Variants in NPC1L1 observed in about 807,000 individuals in gnomAD.
NPC1L1 encodes NPC1 like intracellular cholesterol transporter 1.
Under a neutral mutation model 117.0 loss-of-function variants are expected in NPC1L1, and 98 were observed. That is an observed-to-expected ratio of 0.84 (90% CI 0.71 to 0.99). The LOEUF is 0.99. NPC1L1 is among the 50% of genes least tolerant of loss of function. The pLI, the probability that NPC1L1 is intolerant of heterozygous loss-of-function variation, is 0.00. For synonymous variants in NPC1L1, 729 were observed against 727.6 expected (o/e 1.00, Z -0.03); for missense variants, 1,540 against 1,710.0 (o/e 0.90, Z 1.75).
intron 10 of NPC1L1, among the ~76,000 whole-genome samples, chr7:44,531,361 C>A (rs1203767400): frequency 6.6e-6 from 1 of 152,194 alleles, no homozygotes; most frequent in African/African-American, 2.4e-5. Context: ...TCCTATGTGA[C>A]CTTGGAGGTC....
At chr7:44,525,454 C>T (rs1801483028) in intron 10 of NPC1L1, among the ~76,000 whole-genome samples, 1 of 152,174 alleles carries the variant, frequency 6.6e-6, no homozygotes, top group Non-Finnish European at 1.5e-5. Flanking sequence ...GATGGGGTTT[C>T]ACCATGTTGG....
Position 44,532,184 on chromosome 7 carries a change from G to A in NPC1L1, c.2443C>T (p.Pro815Ser), listed in dbSNP as rs895704037. The A allele has an allele frequency of 6.2e-6, 10 of 1,613,822 alleles. No individual in the cohort carries two copies. The highest frequency in any genetic ancestry group is 1.3e-5 in the African/African-American group (1 of 74,916). ...TGGCCAGGCGGGGGCAGCTCCTGGG[G>A]CTTGACACAGCAGCAGACGTCCAAC... Reference protein sequence around the residue: ...SRLDVCCCVKPQELPPPGQGE... With the variant: ...SRLDVCCCVKSQELPPPGQGE... The change falls in exon 9 of 19, where the codon CCC (proline) becomes TCC (serine). Residue 815 changes from proline to serine, a missense_variant. By Grantham distance (74) the Pro-to-Ser change is moderately conservative. Transcript: ENST00000381160.
rs1233756698 is a variant in NPC1L1, at chr7:44,538,880, T to C, written c.1517A>G (p.Asn506Ser). ...GGAGGTCTGCCCCATCAGTGTCTGG[T>C]TGGCTGTGAGCAGCAGGAGCGTGCG... ...NNRTLLLLTA[N>S]QTLMGQTSQV... The change falls in exon 2 of 19, where the codon AAC becomes AGC. Residue 506 changes from asparagine (N) to serine (S), a missense_variant. Physicochemically the swap from Asn to Ser is conservative, Grantham distance 46. Around this residue, in one of 3 missense-constraint regions of NPC1L1, gnomAD observed 793 missense variants for 820.4 expected, o/e 0.97. Transcript: ENST00000381160. The surrounding 1 kb of genome is among the most constrained non-coding windows in gnomAD (Gnocchi z 5.9). 6.2e-7 allele frequency: 1 copy of C among 1,614,188 alleles called. No individual in the cohort carries two copies. Among genetic ancestry groups the C allele is most frequent in the Admixed American group, 1.7e-5 (1 of 60,036 alleles).
Position 44,534,425 on chromosome 7 carries a change from T to C in NPC1L1, c.2166+22A>G. On this transcript the variant is annotated intron_variant, in intron 6 of 18. Coordinates refer to ENST00000381160, the MANE Select transcript of NPC1L1 (RefSeq NM_001101648.2). The surrounding 1 kb of genome is among the most constrained non-coding windows in gnomAD (Gnocchi z 5.2). ...GGAGAAGAGTGGGCAGTTGGGGGTGTGGAGAGCTCCTCCCTTCTTACCTGG... is the reference window on the plus strand; with the variant it reads ...GGAGAAGAGTGGGCAGTTGGGGGTGCGGAGAGCTCCTCCCTTCTTACCTGG... The C allele has an allele frequency of 1.2e-6, 2 of 1,613,428 alleles. No homozygotes were observed. The highest frequency in any genetic ancestry group is 1.7e-6 in the Non-Finnish European group (2 of 1,179,466).
intron 14 of NPC1L1, chr7:44,518,682 A>G (rs1168888527): frequency 1.6e-6 from 2 of 1,261,868 alleles, no homozygotes; most frequent in Admixed American, 2.4e-5. Context: ...AAAAAAAAAA[A>G]AAGTTATTTC....
chr7:44,527,990 A>G (rs961727504), intron 10 of NPC1L1, among the ~76,000 whole-genome samples: 1 of 152,010 alleles, frequency 6.6e-6, no homozygotes, highest in Non-Finnish European at 1.5e-5. Flanking sequence ...ATGCCTGGCT[A>G]ATTTTTGTAT....
Position 44,540,269 on chromosome 7 carries a change from G to A in NPC1L1, c.128C>T (p.Pro43Leu). 6.2e-7 allele frequency: 1 copy of A among 1,614,086 alleles called. No individual in the cohort carries two copies. Among genetic ancestry groups the A allele is most frequent in the Non-Finnish European group, 8.5e-7 (1 of 1,180,036 alleles). ...TGTCATGAGGCTTCCAGACAGCTCT[G>A]GGTTCTTCCCACATTCGTCATAGAA... Reference protein sequence around the residue: ...CAFYDECGKNPELSGSLMTLS... With the variant: ...CAFYDECGKNLELSGSLMTLS... Residue 43 changes from proline to leucine, a missense_variant, in exon 2 of 19, where the codon CCA becomes CTA. Coordinates refer to ENST00000381160, the MANE Select transcript of NPC1L1 (RefSeq NM_001101648.2).
In NPC1L1 at chr7:44,538,257, A is replaced by T. The variant is rs570780079; in HGVS notation, c.1580+560T>A. Among the ~76,000 whole-genome samples, 1 of 152,350 alleles carries T rather than the reference A, an allele frequency of 6.6e-6. No individual in the cohort carries two copies. The highest frequency in any genetic ancestry group is 1.9e-4 in the East Asian group (1 of 5,178). On this transcript the variant is annotated intron_variant, in intron 2 of 18. Transcript: ENST00000381160. This position sits in a 1 kb window ranked among gnomAD's most constrained non-coding sequence, Gnocchi z 5.9. The stretch of plus-strand genomic sequence containing the variant: ...GCGTTGTTGGCATCTTGTTGGCAGC[A>T]CACCAGAGTGGACAGAACCAAAGAC...
At chr7:44,516,628 C>G (rs1240935607) in intron 16 of NPC1L1, 75 bp downstream of exon 16, 9 of 1,186,412 alleles carry the variant, frequency 7.6e-6, no homozygotes, top group African/African-American at 4.6e-5. Context: ...CAAAAAAGAA[C>G]TAGGAGTATT....
intron 10 of NPC1L1, among the ~76,000 whole-genome samples, chr7:44,528,428 A>G (rs1801592189): frequency 6.6e-6 from 1 of 152,210 alleles, no homozygotes. Context: ...TGTGACATCA[A>G]TAACTGAAAG....
chr7:44,526,392 T>C (rs1400449878), intron 10 of NPC1L1, among the ~76,000 whole-genome samples: 1 of 150,954 alleles, frequency 6.6e-6, no homozygotes, highest in African/African-American at 2.4e-5. Context: ...CTGCTAAAAA[T>C]ACAAAAATTA....
intron 10 of NPC1L1, among the ~76,000 whole-genome samples, chr7:44,523,592 A>G (rs958064005): frequency 4.6e-5 from 7 of 152,268 alleles, no homozygotes; most frequent in East Asian, 3.9e-4. Context: ...TCAGCTGGGC[A>G]TGATGGCTTA....
chr7:44,533,793 C>T lies in NPC1L1; in HGVS notation c.2227G>A (p.Val743Met), dbSNP rs770539041. 1 of 1,614,056 alleles carries T rather than the reference C, an allele frequency of 6.2e-7. No homozygotes were observed. Among genetic ancestry groups the T allele is most frequent in the Admixed American group, 1.7e-5 (1 of 60,014 alleles). ...CTGCACAACAGCATGCTGGGAGCCA[C>T]CCTGCCTAGGGCTCGCCCAATGTGG... ...EVHIGRALGR[V>M]APSMLLCSLS... Residue 743 changes from valine (V) to methionine (M), a missense_variant, in exon 7 of 19, where the codon GTG becomes ATG. Around this residue, in one of 3 missense-constraint regions of NPC1L1, gnomAD observed 742 missense variants for 873.6 expected, o/e 0.85. Transcript: ENST00000381160.
At position 44,538,967 on chromosome 7, in the gene NPC1L1, G is replaced by A. The variant is rs778900013; in HGVS notation, c.1430C>T (p.Pro477Leu). ...GCAGTCGTAGAGACTGGTATTGTCC[G>A]GATTGAGGGGGGCGTAGCAGATGTC... is the stretch of plus-strand genomic sequence containing the variant. ...LQDICYAPLN[P>L]DNTSLYDCCI... The change falls in exon 2 of 19, where the codon CCG (proline) becomes CTG (leucine). Residue 477 changes from proline (P) to leucine (L), a missense_variant. Transcript: ENST00000381160. The surrounding 1 kb of genome is among the most constrained non-coding windows in gnomAD (Gnocchi z 5.9). 6.8e-6 allele frequency: 11 copies of A among 1,614,110 alleles called. No homozygotes were observed. The highest frequency in any genetic ancestry group is 4.0e-5 in the African/African-American group (3 of 74,940).
intron 1 of NPC1L1, 115 bp from the exon 2 acceptor site, chr7:44,540,457 C>T (rs183224078): frequency 4.5e-5 from 42 of 941,864 alleles, no homozygotes; most frequent in African/African-American, 1.1e-4. Flanking sequence ...GGCAGGGAAG[C>T]GGGGAGTGTG....
chr7:44,539,113 C>T lies in NPC1L1; in HGVS notation c.1284G>A (p.Gly428=). The T allele has an allele frequency of 6.2e-7, 1 of 1,614,122 alleles. No individual in the cohort carries two copies. Among genetic ancestry groups the T allele is most frequent in the Non-Finnish European group, 8.5e-7 (1 of 1,180,024 alleles). The change falls in exon 2 of 19, where the codon GGG becomes GGA. Residue 428 remains glycine, a synonymous_variant. Transcript: ENST00000381160. This position sits in a 1 kb window ranked among gnomAD's most constrained non-coding sequence, Gnocchi z 4.4. Reference sequence around the variant, plus strand: ...CCAGGATTCCGCTGAAGTTCTTGGGCCCCAGCAGCAGAGAGTCATACCTGT... The same window carrying T: ...CCAGGATTCCGCTGAAGTTCTTGGGTCCCAGCAGCAGAGAGTCATACCTGT... ...SSYRYDSLLL[G]PKNFSGILDL...
rs750401591 is a variant in NPC1L1, at chr7:44,536,574, C to T, written c.1682-146G>A. 1.0e-6 allele frequency: 1 copy of T among 973,356 alleles called. No homozygotes were observed. The highest frequency in any genetic ancestry group is 1.6e-6 in the Non-Finnish European group (1 of 631,758). 60.3% of individuals were successfully genotyped at this position (973,356 alleles called of 1,614,324 possible). ...TCCCCCACTCCTTCCTCATCTGATA[C>T]ATGGCCTTACCTCCTACACCCCACT... On this transcript the variant is annotated intron_variant, in intron 3 of 18. Transcript: ENST00000381160. This position sits in a 1 kb window ranked among gnomAD's most constrained non-coding sequence, Gnocchi z 4.7.
chr7:44,520,644 C>A (rs940370174), intron 14 of NPC1L1, 121 bp downstream of exon 14: 3 of 865,122 alleles, frequency 3.5e-6, no homozygotes, highest in African/African-American at 3.3e-5. Context: ...ACAGGGCCAG[C>A]GCAGTGAGAA....
In NPC1L1 at chr7:44,521,056, C is replaced by T. The variant is rs1801338437; in HGVS notation, c.3016G>A (p.Glu1006Lys). 1.2e-6 allele frequency: 2 copies of T among 1,614,202 alleles called. No individual in the cohort carries two copies. The highest frequency in any genetic ancestry group is 1.7e-6 in the Non-Finnish European group (2 of 1,180,030). ...CAGGGAAGATACTTATGGAACTGCT[C>T]CACCGAGGGCCTCACAGAGCCCATC... is the stretch of plus-strand genomic sequence containing the variant. Reference protein sequence around the residue: ...ITMGSVRPSVEQFHKYLPWFL... With the variant: ...ITMGSVRPSVKQFHKYLPWFL... The change falls in exon 13 of 19, where the codon GAG becomes AAG. Residue 1006 changes from glutamate to lysine, a missense_variant. By Grantham distance (56) the Glu-to-Lys change is moderately conservative. Around this residue, in one of 3 missense-constraint regions of NPC1L1, gnomAD observed 742 missense variants for 873.6 expected, o/e 0.85. Transcript: ENST00000381160.
Sources: allele counts gnomAD v4.1 joint callset (sites outside exome capture counted in the v4.1 genomes callset), GRCh38; gene constraint gnomAD v4.1.1; regional missense constraint gnomAD v4.1.1; non-coding constraint Gnocchi (gnomAD v3.1); transcripts MANE v1.5; gene names NCBI Gene and HGNC (gene_info 2026-07-23, HGNC 2026-07-21).